Variants in CYP7B1 observed in about 807,000 individuals in gnomAD.
CYP7B1 encodes cytochrome P450 family 7 subfamily B member 1.
A neutral mutation model predicts 42.7 loss-of-function variants in CYP7B1; 29 were observed. The observed-to-expected ratio is 0.68, with a 90% CI of 0.51 to 0.93. The LOEUF is 0.93. Among genes scored for constraint, CYP7B1 ranks in the 40% least tolerant of loss-of-function variants. The pLI, the probability that CYP7B1 is intolerant of heterozygous loss-of-function variation, is 0.00. For missense variants in CYP7B1, 655 were observed against 600.5 expected, an observed-to-expected ratio of 1.09 and a Z score of -0.95; for synonymous variants, 235 against 218.2, an observed-to-expected ratio of 1.08 and a Z score of -0.68.
chr8:64,790,986 G>A (rs974810115), intron 1 of CYP7B1, among the ~76,000 whole-genome samples: 6 of 152,144 alleles, frequency 3.9e-5, no homozygotes, highest in Non-Finnish European at 5.9e-5. Flanking sequence ...AATTCTGTGT[G>A]AAGATAAAAG....
chr8:64,690,771 C>T (rs571587802), intron 1 of CYP7B1, among the ~76,000 whole-genome samples: 1 of 152,174 alleles, frequency 6.6e-6, no homozygotes, highest in African/African-American at 2.4e-5. Flanking sequence ...TCTCCTTTAG[C>T]TGGAACTACT....
At chr8:64,781,016 A>G (rs1294341613) in intron 1 of CYP7B1, among the ~76,000 whole-genome samples, 4 of 152,156 alleles carry the variant, frequency 2.6e-5, no homozygotes, top group Non-Finnish European at 4.4e-5. Context: ...ATGCATAACA[A>G]ACATTCAAGA....
intron 1 of CYP7B1, among the ~76,000 whole-genome samples, chr8:64,695,378 A>C (rs1806808394): frequency 6.6e-6 from 1 of 152,148 alleles, no homozygotes; most frequent in Non-Finnish European, 1.5e-5. Context: ...TGCTGCCTAC[A>C]TTGGGCGGCG....
chr8:64,794,094 T>C (rs1250256902), intron 1 of CYP7B1, among the ~76,000 whole-genome samples: 3 of 152,154 alleles, frequency 2.0e-5, no homozygotes, highest in African/African-American at 4.8e-5. Flanking sequence ...GGATTGCCCC[T>C]GAGGGCAGCT....
intron 1 of CYP7B1, among the ~76,000 whole-genome samples, chr8:64,689,475 T>C (rs1035536131): frequency 3.3e-5 from 5 of 152,232 alleles, no homozygotes; most frequent in Admixed American, 6.5e-5. Context: ...CTGTTATTTA[T>C]GAATGAAATT....
chr8:64,658,970 A>G (rs1704198036), intron 1 of CYP7B1, among the ~76,000 whole-genome samples: 3 of 152,226 alleles, frequency 2.0e-5, no homozygotes, highest in Admixed American at 2.0e-4. Context: ...TGCAGGAACT[A>G]ATCTGAGAGA....
At position 64,593,596 on chromosome 8, in the gene CYP7B1, GA is replaced by G. The variant is rs1207388379; in HGVS notation, c.*3045del. Among the ~76,000 whole-genome samples, 5 of 152,080 alleles carry G rather than the reference GA, an allele frequency of 3.3e-5. No individual in the cohort carries two copies. The highest frequency in any genetic ancestry group is 7.4e-5 in the Non-Finnish European group (5 of 68,026). ...AGTTTGGTAGTAGTATCAGCAGTCT[GA>G]AAAATGCAAATACAAATTCTCTCTT... On this transcript the variant is annotated 3_prime_UTR_variant, in exon 6 of 6. Transcript: ENST00000310193.
intron 1 of CYP7B1, among the ~76,000 whole-genome samples, chr8:64,672,721 A>C (rs1157105314): frequency 6.6e-6 from 1 of 152,160 alleles, no homozygotes; most frequent in Non-Finnish European, 1.5e-5. Flanking sequence ...GTGGCAAGAC[A>C]CAGGCATGAC....
chr8:64,664,847 T>C (rs1390926252), intron 1 of CYP7B1, among the ~76,000 whole-genome samples: 3 of 152,158 alleles, frequency 2.0e-5, no homozygotes, highest in South Asian at 4.1e-4. Context: ...CGACAGAATA[T>C]AGAGTTGAAA....
intron 1 of CYP7B1, among the ~76,000 whole-genome samples, chr8:64,686,454 T>A (rs1342197097): frequency 7.8e-5 from 1 of 12,794 alleles, no homozygotes; most frequent in Admixed American, 6.4e-4. Flanking sequence ...GGAGGGAGGT[T>A]GGGGGGTCAG....
intron 1 of CYP7B1, among the ~76,000 whole-genome samples, chr8:64,787,191 C>A (rs951370373): frequency 6.6e-6 from 1 of 152,228 alleles, no homozygotes; most frequent in African/African-American, 2.4e-5. Flanking sequence ...ACATTCAGCT[C>A]CTCCTTACTT....
intron 1 of CYP7B1, among the ~76,000 whole-genome samples, chr8:64,769,897 C>T (rs1034331523): frequency 6.6e-6 from 1 of 152,190 alleles, no homozygotes; most frequent in African/African-American, 2.4e-5. Context: ...AGTACCACCA[C>T]CTTCAAGTCT....
chr8:64,590,849 TC>T (rs1374170256), downstream of CYP7B1, among the ~76,000 whole-genome samples: 3 of 152,160 alleles, frequency 2.0e-5, no homozygotes, highest in East Asian at 5.8e-4. Flanking sequence ...TAATCAGTCA[TC>T]TGTGCTTTAA....
At chr8:64,761,500 G>T (rs1807889750) in intron 1 of CYP7B1, among the ~76,000 whole-genome samples, 2 of 151,448 alleles carry the variant, frequency 1.3e-5, no homozygotes, top group South Asian at 2.1e-4. Context: ...TGGGGGGAGG[G>T]GAATGTCTTA....
At chr8:64,715,823 G>A (rs187803954) in intron 1 of CYP7B1, among the ~76,000 whole-genome samples, 2,093 of 152,324 alleles carry the variant, frequency 0.014, 15 homozygotes, top group Non-Finnish European at 0.024. Flanking sequence ...GACACAGCCT[G>A]TAATTACAGT....
chr8:64,716,631 C>T (rs1022727950), intron 1 of CYP7B1, among the ~76,000 whole-genome samples: 4 of 152,210 alleles, frequency 2.6e-5, no homozygotes, highest in South Asian at 4.1e-4. Context: ...CGCTTGAACC[C>T]GGGAGGTGGA....
intron 1 of CYP7B1, among the ~76,000 whole-genome samples, chr8:64,654,502 C>T (rs1806091109): frequency 6.6e-6 from 1 of 152,128 alleles, no homozygotes; most frequent in Admixed American, 6.5e-5. Flanking sequence ...TTACAAAACA[C>T]TGCTCAAAGG....
intron 1 of CYP7B1, among the ~76,000 whole-genome samples, chr8:64,756,052 C>T (rs1807803363): frequency 6.6e-6 from 1 of 152,152 alleles, no homozygotes; most frequent in African/African-American, 2.4e-5. Flanking sequence ...CACCTGTGTG[C>T]TTTATACCAG....
At chr8:64,773,385 G>T (rs1190222148) in intron 1 of CYP7B1, among the ~76,000 whole-genome samples, 1 of 152,138 alleles carries the variant, frequency 6.6e-6, no homozygotes, top group South Asian at 2.1e-4. Context: ...CTTCAGGATC[G>T]CAGATAAATG....
Sources: allele counts gnomAD v4.1 joint callset (sites outside exome capture counted in the v4.1 genomes callset), GRCh38; gene constraint gnomAD v4.1.1; transcripts MANE v1.5; gene names NCBI Gene and HGNC (gene_info 2026-07-23, HGNC 2026-07-21).